The following TMEM242 variants were observed in gnomAD, a reference collection of about 807,000 sequenced individuals.
TMEM242 encodes transmembrane protein 242.
TMEM242 carries 10 observed loss-of-function variants against 18.2 expected under a neutral mutation model. That is an observed-to-expected ratio of 0.55 (90% CI 0.34 to 0.93). TMEM242 has a LOEUF of 0.93. TMEM242 is among the 40% of genes least tolerant of loss of function. The pLI is 0.02. For missense variants in TMEM242, 186 were observed against 175.5 expected, an observed-to-expected ratio of 1.06 and a Z score of -0.34; for synonymous variants, 57 against 69.9, an observed-to-expected ratio of 0.81 and a Z score of 0.92.
chr6:157,310,314 TG>T (rs2128414360), intron 3 of TMEM242, among the ~76,000 whole-genome samples: 1 of 78,842 alleles, frequency 1.3e-5, no homozygotes, highest in Non-Finnish European at 2.7e-5. Flanking sequence ...TTACCTCAAC[TG>T]TTCTCCAAAC....
chr6:157,299,797 G>T, intron 3 of TMEM242: 1 of 1,607,324 alleles, frequency 6.2e-7, no homozygotes, highest in South Asian at 1.1e-5. Flanking sequence ...GCGTTTTCAT[G>T]AAAGGGCTGC....
In TMEM242 at chr6:157,300,905, A is replaced by G. The variant is rs150980958; in HGVS notation, c.328-7906T>C. Among the ~76,000 whole-genome samples, 60 of 152,362 alleles carry G rather than the reference A, an allele frequency of 3.9e-4. 1 individual carries two copies. The East Asian group carries it at 0.01, about 26-fold the overall frequency. ...TCCTTAAAATGGCAAGTTTCAACCA[A>G]TGCATAAATCAGATTATTGACCAAA... On this transcript the variant is annotated intron_variant, in intron 3 of 3. Transcript: ENST00000400788.
intron 3 of TMEM242, among the ~76,000 whole-genome samples, chr6:157,310,661 C>T (rs1554248378): frequency 6.7e-6 from 1 of 149,346 alleles, no homozygotes; most frequent in African/African-American, 2.5e-5. Flanking sequence ...CACCCGGCCT[C>T]ATCATAGTGT....
intron 3 of TMEM242, among the ~76,000 whole-genome samples, chr6:157,310,512 A>C (rs1276657895): frequency 2.3e-3 from 3 of 1,284 alleles, no homozygotes; most frequent in Non-Finnish European, 2.3e-3. Context: ...CCCAGTGTAC[A>C]CTCACCTGGC....
At chr6:157,302,360 G>T (rs782377026) in intron 3 of TMEM242, among the ~76,000 whole-genome samples, 3 of 152,158 alleles carry the variant, frequency 2.0e-5, no homozygotes, top group Non-Finnish European at 4.4e-5. Context: ...CCTTTCACCA[G>T]TCAAGTCATT....
intron 3 of TMEM242, among the ~76,000 whole-genome samples, chr6:157,312,746 CTGGCCTCATCTTACTGTCACAGTGTG>C (rs1778214702): frequency 6.8e-5 from 6 of 88,534 alleles, no homozygotes; most frequent in Non-Finnish European, 1.2e-4. Context: ...GTGCGCTCAC[CTGGCCTCATCTTACTGTCACAGTGTG>C]CGCTCACCTA....
chr6:157,312,174 CCGGCCTCATCATAGTGTCCCAGTG>C (rs1562384312), intron 3 of TMEM242, among the ~76,000 whole-genome samples: 2 of 148,898 alleles, frequency 1.3e-5, no homozygotes, highest in African/African-American at 2.5e-5. Flanking sequence ...GTGCACTCAC[CCGGCCTCATCATAGTGTCCCAGTG>C]TGCACTGAGC....
At chr6:157,311,962 GCAATCACC>G (rs1778140389) in intron 3 of TMEM242, among the ~76,000 whole-genome samples, 1 of 32,512 alleles carries the variant, frequency 3.1e-5, no homozygotes, top group African/African-American at 1.6e-4. Flanking sequence ...GTCCCAGTGT[GCAATCACC>G]TGGCCTCATC....
intron 3 of TMEM242, among the ~76,000 whole-genome samples, chr6:157,311,500 TC>T (rs1778095239): frequency 2.3e-5 from 3 of 130,660 alleles, no homozygotes; most frequent in Non-Finnish European, 5.0e-5. Flanking sequence ...TCACCTAGCC[TC>T]AGCATAGTGC....
intron 3 of TMEM242, among the ~76,000 whole-genome samples, chr6:157,302,893 C>G (rs587743950): frequency 6.6e-6 from 1 of 152,318 alleles, no homozygotes; most frequent in Admixed American, 6.5e-5. Context: ...CCAGCAAGTC[C>G]CTGGGCCAAG....
At chr6:157,307,989 C>G (rs782641208) in intron 3 of TMEM242, among the ~76,000 whole-genome samples, 2 of 152,160 alleles carry the variant, frequency 1.3e-5, no homozygotes, top group Non-Finnish European at 2.9e-5. Flanking sequence ...ATGTTTCAGC[C>G]GCTTCTCACA....
rs1778448990 is a variant in TMEM242, at chr6:157,318,829, C to T, written c.280G>A (p.Val94Ile). Reference protein sequence around the residue: ...GWGSLYAWCGVGVISFAVWKA... With the variant: ...GWGSLYAWCGIGVISFAVWKA... ...CAGACTGCGAAGCTAATCACACCAA[C>T]CCCACACCATGCATACAGGGAGCCC... The change falls in exon 3 of 4, where the codon GTT (valine) becomes ATT (isoleucine). Residue 94 changes from valine to isoleucine, a missense_variant. Transcript: ENST00000400788. The T allele has an allele frequency of 6.2e-7, 1 of 1,614,062 alleles. No homozygotes were observed. Among genetic ancestry groups the T allele is most frequent in the Non-Finnish European group, 8.5e-7 (1 of 1,180,008 alleles).
At position 157,300,811 on chromosome 6, in the gene TMEM242, G is replaced by T. The variant is rs1381448382; in HGVS notation, c.328-7812C>A. Among the ~76,000 whole-genome samples, 5 of 152,288 alleles carry T rather than the reference G, an allele frequency of 3.3e-5. No homozygotes were observed. In the East Asian group the frequency reaches 9.6e-4, roughly 29 times the overall value. ...AAAGCCTTTGATTGTGCGTCCCGAAGAAAAACGACTTCTCAGGTAGAAAGC... is the reference window on the plus strand; with the variant it reads ...AAAGCCTTTGATTGTGCGTCCCGAATAAAAACGACTTCTCAGGTAGAAAGC... On this transcript the variant is annotated intron_variant, in intron 3 of 3. Coordinates refer to ENST00000400788, the MANE Select transcript of TMEM242 (RefSeq NM_018452.6).
intron 3 of TMEM242, chr6:157,299,540 C>T (rs1777798948): frequency 1.3e-6 from 2 of 1,492,556 alleles, no homozygotes; most frequent in Non-Finnish European, 1.9e-6. Context: ...TCCAATAACA[C>T]GGTTTTTGGA....
At chr6:157,298,133 G>A (rs1254265181) in intron 3 of TMEM242, among the ~76,000 whole-genome samples, 1 of 152,184 alleles carries the variant, frequency 6.6e-6, no homozygotes, top group Non-Finnish European at 1.5e-5. Flanking sequence ...ATAAACTGAA[G>A]AGCGGAATAA....
chr6:157,299,542 G>GT (rs1308354937), intron 3 of TMEM242: 1 of 1,507,502 alleles, frequency 6.6e-7, no homozygotes, highest in Non-Finnish European at 9.2e-7. Context: ...CAATAACACG[G>GT]TTTTTGGAAA....
At position 157,313,081 on chromosome 6, in the gene TMEM242, C is replaced by G. The variant is rs75227908; in HGVS notation, c.327+5701G>C. 6.4e-5 allele frequency among the ~76,000 whole-genome samples: 4 copies of G among 62,632 alleles called. 1 individual carries two copies. Among genetic ancestry groups the G allele is most frequent in the African/African-American group, 1.3e-4 (2 of 15,600 alleles). 41.1% of individuals were successfully genotyped at this position (62,632 alleles called of 152,430 possible). On this transcript the variant is annotated intron_variant, in intron 3 of 3. Coordinates refer to ENST00000400788, the MANE Select transcript of TMEM242 (RefSeq NM_018452.6). ...CCTCATCATAGGGTCCCAGTATGCACTCACCTGGCCTCATCAAAGTGTCCC... is the reference window on the plus strand; with the variant it reads ...CCTCATCATAGGGTCCCAGTATGCAGTCACCTGGCCTCATCAAAGTGTCCC...
At chr6:157,309,670 C>T (rs782741502) in intron 3 of TMEM242, among the ~76,000 whole-genome samples, 3 of 152,216 alleles carry the variant, frequency 2.0e-5, no homozygotes, top group Admixed American at 6.5e-5. Context: ...AGATTGCAGG[C>T]ATGAGCCACC....
intron 3 of TMEM242, among the ~76,000 whole-genome samples, chr6:157,310,523 CTCA>C (rs1777996452): frequency 3.7e-5 from 1 of 27,306 alleles, no homozygotes; most frequent in Non-Finnish European, 8.7e-5. Flanking sequence ...CTCACCTGGC[CTCA>C]TCATGGTATC....
Sources: gnomAD v4.1 joint callset for allele counts (sites outside exome capture counted in the v4.1 genomes callset) on GRCh38, gnomAD v4.1.1 for gene constraint, MANE v1.5 for transcripts, NCBI Gene and HGNC (gene_info 2026-07-23, HGNC 2026-07-21) for gene names.